Variants in NEBL observed in about 807,000 individuals in gnomAD.
The protein encoded by NEBL is LIM and SH3 protein 2.
A neutral mutation model predicts 140.2 loss-of-function variants in NEBL; 122 were observed. That is an observed-to-expected ratio of 0.87 (90% CI 0.75 to 1.01). NEBL has a LOEUF of 1.01. Among genes scored for constraint, NEBL ranks in the 50% least tolerant of loss-of-function variants. The pLI is 0.00. For missense variants in NEBL, 1,365 were observed against 1,231.3 expected (o/e 1.11, Z -1.62); for synonymous variants, 436 against 398.9 (o/e 1.09, Z -1.11).
intron 11 of NEBL, among the ~76,000 whole-genome samples, chr10:20,847,334 A>T (rs1013810389): frequency 6.6e-6 from 1 of 152,192 alleles, no homozygotes; most frequent in African/African-American, 2.4e-5. Flanking sequence ...GACTATAATT[A>T]AAGGGAATAT....
rs946367107 is a variant in NEBL at position 21,162,706 on chromosome 10, C to A, written c.164+9677G>T. Among the ~76,000 whole-genome samples the A allele has an allele frequency of 3.9e-5, 6 of 152,322 alleles. No individual in the cohort carries two copies. The South Asian group carries it at 1.2e-3, about 32-fold the overall frequency. ...CAAATGGGAAGACAAACACGACCAT[C>A]ATACAAAGCAGGCTCTTTGATAGGT... On this transcript the variant is annotated intron_variant, in intron 2 of 6. Transcript: ENST00000417816.
intron 4 of NEBL, among the ~76,000 whole-genome samples, chr10:20,886,927 T>G (rs1468280754): frequency 6.6e-6 from 1 of 152,106 alleles, no homozygotes; most frequent in East Asian, 1.9e-4. Flanking sequence ...ATTTTACAAG[T>G]TTTTACTGAG....
At chr10:21,185,695 C>A (rs1841455373) in intron 3 of NEBL, among the ~76,000 whole-genome samples, 1 of 151,780 alleles carries the variant, frequency 6.6e-6, no homozygotes, top group African/African-American at 2.4e-5. Flanking sequence ...CGGGGTTTCG[C>A]CATGTTGGCC....
intron 2 of NEBL, among the ~76,000 whole-genome samples, chr10:21,126,775 C>T (rs1838855467): frequency 6.6e-6 from 1 of 151,834 alleles, no homozygotes. Flanking sequence ...GACTTTGAGA[C>T]CACCCTGACC....
At chr10:21,077,949 C>T (rs1172997176) in intron 2 of NEBL, among the ~76,000 whole-genome samples, 1 of 152,134 alleles carries the variant, frequency 6.6e-6, no homozygotes, top group African/African-American at 2.4e-5. Flanking sequence ...CAAGAGCCAC[C>T]ATATCAAGTC....
At chr10:20,862,282 G>A (rs558816716) in intron 7 of NEBL, among the ~76,000 whole-genome samples, 20 of 152,056 alleles carry the variant, frequency 1.3e-4, no homozygotes, top group Non-Finnish European at 2.4e-4. Context: ...TTGTTTGAAC[G>A]TTCAGTACAG....
intron 2 of NEBL, among the ~76,000 whole-genome samples, chr10:21,052,228 T>C (rs2131855321): frequency 6.6e-6 from 1 of 152,326 alleles, no homozygotes; most frequent in South Asian, 2.1e-4. Context: ...TGAGGGAAGA[T>C]GGCCAGGCTC....
At chr10:20,982,061 C>G (rs892736575) in intron 3 of NEBL, among the ~76,000 whole-genome samples, 46 of 152,166 alleles carry the variant, frequency 3.0e-4, no homozygotes, top group African/African-American at 1.1e-3. Flanking sequence ...CTGTATCATA[C>G]CTTTCATTTG....
intron 4 of NEBL, among the ~76,000 whole-genome samples, chr10:20,916,767 A>G (rs1848573457): frequency 6.6e-6 from 1 of 152,160 alleles, no homozygotes; most frequent in African/African-American, 2.4e-5. Context: ...TTAGGTATAA[A>G]ATGCGTGCCC....
At chr10:20,818,303 G>A (rs553971864) in intron 20 of NEBL, among the ~76,000 whole-genome samples, 1 of 150,048 alleles carries the variant, frequency 6.7e-6, no homozygotes, top group African/African-American at 2.4e-5. Flanking sequence ...CTAGCTGGGT[G>A]GGGGGGCTGG....
At chr10:21,201,829 T>G (rs1191253653) in intron 3 of NEBL, among the ~76,000 whole-genome samples, 2 of 152,192 alleles carry the variant, frequency 1.3e-5, no homozygotes, top group African/African-American at 4.8e-5. Flanking sequence ...TGGAAAAGTT[T>G]CTTTCAGCTT....
chr10:21,142,638 T>C (rs562723311), intron 2 of NEBL, among the ~76,000 whole-genome samples: 54 of 152,308 alleles, frequency 3.5e-4, no homozygotes, highest in Middle Eastern at 3.4e-3. Context: ...ACTCCATGCC[T>C]GAAAACAGGA....
At chr10:21,160,490 T>A (rs1251695635) in intron 2 of NEBL, among the ~76,000 whole-genome samples, 1 of 152,236 alleles carries the variant, frequency 6.6e-6, no homozygotes, top group East Asian at 1.9e-4. Context: ...GTGTTTCTAT[T>A]CCTGATAGGA....
At chr10:21,080,841 C>G (rs7074923) in intron 2 of NEBL, among the ~76,000 whole-genome samples, 102,396 of 152,010 alleles carry the variant, frequency 0.67, 35,716 homozygotes, top group Middle Eastern at 0.84. Context: ...AAAATGTGAT[C>G]TGGTTTTTTT....
chr10:21,141,487 A>G (rs1839629862), intron 2 of NEBL, among the ~76,000 whole-genome samples: 1 of 152,242 alleles, frequency 6.6e-6, no homozygotes, highest in Admixed American at 6.5e-5. Context: ...AGAATTTTTC[A>G]TGATATTCTT....
intron 2 of NEBL, among the ~76,000 whole-genome samples, chr10:21,108,299 A>G (rs1401037248): frequency 1.3e-5 from 2 of 152,122 alleles, no homozygotes; most frequent in African/African-American, 4.8e-5. Flanking sequence ...GTGGGCATTT[A>G]GTGCTATAAA....
In NEBL at chr10:20,923,368, C is replaced by T. The variant is rs1231564114; in HGVS notation, c.357+38304G>A. On this transcript the variant is annotated intron_variant, in intron 4 of 6. Transcript: ENST00000417816. The stretch of plus-strand genomic sequence containing the variant: ...AGGCATGAAACACCACACCTGGCCA[C>T]GTATTCATATTAATAAGAAATGTCT... 3.3e-5 allele frequency among the ~76,000 whole-genome samples: 5 copies of T among 152,026 alleles called. No homozygotes were observed. In the East Asian group the frequency reaches 5.8e-4, roughly 18 times the overall value.
intron 4 of NEBL, among the ~76,000 whole-genome samples, chr10:20,953,843 C>G (rs961110107): frequency 1.3e-5 from 2 of 151,862 alleles, no homozygotes; most frequent in African/African-American, 2.4e-5. Context: ...CATATTATTA[C>G]CTCATTCGTT....
chr10:21,007,168 C>T lies in NEBL; in HGVS notation c.249+12949G>A, dbSNP rs189651578. ...ATATATTTTGAGGGGACCCAATAAA[C>T]ACCTCTAAGTCAGGGGTCAGGTCTT... On this transcript the variant is annotated intron_variant, in intron 3 of 6. Coordinates refer to the NEBL transcript ENST00000417816. Among the ~76,000 whole-genome samples the T allele has an allele frequency of 3.0e-3, 453 of 152,164 alleles. 1 individual carries two copies. Among genetic ancestry groups the T allele is most frequent in the African/African-American group, 1.0e-2 (413 of 41,502 alleles).
Sources: allele counts gnomAD v4.1 joint callset (sites outside exome capture counted in the v4.1 genomes callset), GRCh38; gene constraint gnomAD v4.1.1; transcripts MANE v1.5; gene names NCBI Gene and HGNC (gene_info 2026-07-23, HGNC 2026-07-21).